TRAM1: variants seen among roughly 807,000 people sequenced by gnomAD.
TRAM1 encodes the protein translocating chain-associated membrane protein 1.
TRAM1 carries 17 observed loss-of-function variants against 48.7 expected under a neutral mutation model. That is an observed-to-expected ratio of 0.35 (90% CI 0.24 to 0.52). The LOEUF (loss-of-function observed/expected upper bound fraction) is 0.52. TRAM1 is among the 20% of genes least tolerant of loss of function. The pLI is 0.94. For synonymous variants in TRAM1, 182 were observed against 154.0 expected, an observed-to-expected ratio of 1.18 and a Z score of -1.34; for missense variants, 351 against 441.5, an observed-to-expected ratio of 0.79 and a Z score of 1.84.
rs1298993915 is a variant in TRAM1 at position 70,586,939 on chromosome 8, G to A, written c.702C>T (p.His234=). The A allele has an allele frequency of 5.6e-6, 9 of 1,613,744 alleles. No individual in the cohort carries two copies. Among genetic ancestry groups the A allele is most frequent in the Non-Finnish European group, 6.8e-6 (8 of 1,179,900 alleles). Residue 234 remains histidine (H), a synonymous_variant, in exon 8 of 11, where the codon CAC becomes CAT. Transcript: ENST00000262213. ...VLHYFVEFLF[H]ISRLFYFSNE... The stretch of plus-strand genomic sequence containing the variant: ...TGCTAAAATAAAACAGGCGGGAAAT[G>A]TGGAAAAGAAATTCAACAAAATAAT...
intron 1 of TRAM1, chr8:70,607,445 G>C: frequency 2.0e-6 from 2 of 985,462 alleles, no homozygotes; most frequent in Non-Finnish European, 2.4e-6. Flanking sequence ...AAACAATCTG[G>C]CGCGCCTCCA....
chr8:70,592,161 C>G (rs1446565592), intron 6 of TRAM1, among the ~76,000 whole-genome samples: 1 of 152,132 alleles, frequency 6.6e-6, no homozygotes, highest in Non-Finnish European at 1.5e-5. Context: ...TTCAAGCTGT[C>G]TACGAAATAT....
chr8:70,586,766 C>T (rs1428391151), intron 8 of TRAM1, 129 bp downstream of exon 8: 30 of 697,254 alleles, frequency 4.3e-5, no homozygotes, highest in Admixed American at 1.7e-4. Flanking sequence ...TAAATAATTT[C>T]GTTTTATTTA....
rs1298582202 is a variant in TRAM1 at position 70,573,274 on chromosome 8, T to A, written c.*1658A>T. On this transcript the variant is annotated 3_prime_UTR_variant, in exon 11 of 11. Coordinates refer to ENST00000262213, the MANE Select transcript of TRAM1 (RefSeq NM_014294.6). ...TGGTTATGACCATCTATCCCCCCAG[T>A]AGTCCTCACCAATATTCTGTGGAAC... 2.0e-5 allele frequency among the ~76,000 whole-genome samples: 3 copies of A among 152,184 alleles called. No individual in the cohort carries two copies. The highest frequency in any genetic ancestry group is 7.2e-5 in the African/African-American group (3 of 41,446).
chr8:70,587,255 G>A, intron 6 of TRAM1, 79 bp from the exon 7 acceptor site: 1 of 1,407,952 alleles, frequency 7.1e-7, no homozygotes, highest in Non-Finnish European at 9.8e-7. Context: ...GTCTTGCTAT[G>A]TTGCCCAGGT....
chr8:70,596,415 C>A, intron 4 of TRAM1, 94 bp from the exon 5 acceptor site: 3 of 900,656 alleles, frequency 3.3e-6, no homozygotes, highest in South Asian at 2.0e-5. Flanking sequence ...TTTACAGGTC[C>A]CATACCAGGT....
At chr8:70,586,855 A>G (rs1817232496) in intron 8 of TRAM1, 40 bp downstream of exon 8, 1 of 1,542,602 alleles carries the variant, frequency 6.5e-7, no homozygotes, top group Non-Finnish European at 9.0e-7. Flanking sequence ...CTGACTTTAA[A>G]TACCTAGTAC....
At chr8:70,585,010 T>C (rs1291877080) in intron 8 of TRAM1, among the ~76,000 whole-genome samples, 5 of 152,110 alleles carry the variant, frequency 3.3e-5, no homozygotes, top group Non-Finnish European at 7.4e-5. Flanking sequence ...GGAGGCATCA[T>C]GCTACCTGAC....
At chr8:70,576,791 TG>T (rs1161586372) in intron 10 of TRAM1, among the ~76,000 whole-genome samples, 1 of 152,052 alleles carries the variant, frequency 6.6e-6, no homozygotes, top group Non-Finnish European at 1.5e-5. Flanking sequence ...GTTGGAGTGG[TG>T]GGAGTCCCGC....
chr8:70,579,787 C>G (rs1817035369), intron 10 of TRAM1, among the ~76,000 whole-genome samples: 1 of 152,106 alleles, frequency 6.6e-6, no homozygotes, highest in African/African-American at 2.4e-5. Flanking sequence ...ATATGAGGAA[C>G]AAGAGTATTC....
At chr8:70,586,094 T>G (rs1157318187) in intron 8 of TRAM1, among the ~76,000 whole-genome samples, 4 of 151,414 alleles carry the variant, frequency 2.6e-5, no homozygotes, top group South Asian at 2.1e-4. Context: ...TATGCAGCCA[T>G]AAAAAATGAA....
rs1188788977 is a variant in TRAM1, at chr8:70,592,037, T to C, written c.570+2469A>G. ...GGGGAAAATACTATTTCTAATACTT[T>C]ATATGATATGCAATTATAGGTATGT... On this transcript the variant is annotated intron_variant, in intron 6 of 10. Transcript: ENST00000262213. Among the ~76,000 whole-genome samples the C allele has an allele frequency of 5.3e-5, 8 of 152,298 alleles. No individual in the cohort carries two copies. In the South Asian group the frequency reaches 8.3e-4, roughly 16 times the overall value.
rs1563394232 is a variant in TRAM1 at position 70,608,164 on chromosome 8, T to G, written c.36A>C (p.Pro12=). Residue 12 remains proline (P), a synonymous_variant, in exon 1 of 11, where the codon CCA becomes CCC. Coordinates refer to ENST00000262213, the MANE Select transcript of TRAM1 (RefSeq NM_014294.6). ...AIRKKSTKSP[P]VLSHEFVLQN... ...GCAGGACGAATTCGTGGCTCAGCAC[T>G]GGGGGGCTCTTGGTGCTTTTCTTGC... 2 of 1,594,514 alleles carry G rather than the reference T, an allele frequency of 1.3e-6. No homozygotes were observed. The highest frequency in any genetic ancestry group is 1.7e-4 in the Middle Eastern group (1 of 6,008).
chr8:70,590,671 C>T (rs569587309), intron 6 of TRAM1, among the ~76,000 whole-genome samples: 111 of 152,306 alleles, frequency 7.3e-4, no homozygotes, highest in African/African-American at 2.5e-3. Context: ...GTAGCCTTTC[C>T]TTTTGGATAG....
chr8:70,602,722 C>T (rs948833658), intron 1 of TRAM1, among the ~76,000 whole-genome samples: 1 of 152,140 alleles, frequency 6.6e-6, no homozygotes. Flanking sequence ...GGTTAGAAAC[C>T]TTTGATTTGC....
chr8:70,607,583 C>CCCGA, intron 1 of TRAM1: 2 of 733,882 alleles, frequency 2.7e-6, no homozygotes, highest in Non-Finnish European at 3.3e-6. Context: ...GTCTCCAGGC[C>CCCGA]GGCACTCCTC....
rs116362993 is a variant in TRAM1 at position 70,574,809 on chromosome 8, C to T, written c.*123G>A. On this transcript the variant is annotated 3_prime_UTR_variant, in exon 11 of 11. Coordinates refer to ENST00000262213, the MANE Select transcript of TRAM1 (RefSeq NM_014294.6). ...TGCCCTTTAAAAAAATGCATGAAACCGTACAATAGCAAAAATCAAAGAGCA... is the reference window on the plus strand; with the variant it reads ...TGCCCTTTAAAAAAATGCATGAAACTGTACAATAGCAAAAATCAAAGAGCA... The T allele has an allele frequency of 6.2e-4, 445 of 713,520 alleles. 2 individuals carry two copies. The African/African-American group carries it at 7.1e-3, about 11-fold the overall frequency. 44.2% of individuals were successfully genotyped at this position (713,520 alleles called of 1,614,324 possible).
rs1215445677 is a variant in TRAM1 at position 70,608,116 on chromosome 8, G to A, written c.84C>T (p.Ser28=). The A allele has an allele frequency of 3.1e-6, 5 of 1,600,354 alleles. No homozygotes were observed. The highest frequency in any genetic ancestry group is 1.4e-5 in the African/African-American group (1 of 73,182). Residue 28 remains serine (S), a synonymous_variant, in exon 1 of 11, where the codon TCC becomes TCT. Transcript: ENST00000262213. Reference sequence around the variant, plus strand: ...CCAGCAGGAAGACCATCGCCACACAGGAGACGATGTCCGCGTGATTCTGCA... The same window carrying A: ...CCAGCAGGAAGACCATCGCCACACAAGAGACGATGTCCGCGTGATTCTGCA... The part of the protein sequence containing the change: ...FVLQNHADIV[S]CVAMVFLLGL...
intron 1 of TRAM1, chr8:70,607,119 A>C (rs780988122): frequency 1.9e-4 from 189 of 981,938 alleles, no homozygotes; most frequent in Admixed American, 2.5e-4. Context: ...AAAATTAAAA[A>C]GGGAAAAAAG....
Sources: allele counts gnomAD v4.1 joint callset (sites outside exome capture counted in the v4.1 genomes callset), GRCh38; gene constraint gnomAD v4.1.1; transcripts MANE v1.5; gene names NCBI Gene and HGNC (gene_info 2026-07-23, HGNC 2026-07-21).